Variants in MYO5B observed in about 807,000 individuals in gnomAD.
MYO5B encodes the protein unconventional myosin-Vb.
In MYO5B, 143 loss-of-function variants were observed where a neutral mutation model predicts 229.3. The ratio of observed to expected loss-of-function variants is 0.62; its 90% confidence interval spans 0.54 to 0.72. The LOEUF (loss-of-function observed/expected upper bound fraction) is 0.72, where lower values mean the gene tolerates loss of function less well. Among genes scored for constraint, MYO5B ranks in the 30% least tolerant of loss-of-function variants. The probability of loss-of-function intolerance (pLI) is 0.00; values close to 1 mark genes in which losing one functional copy is unlikely to be tolerated. For missense variants in MYO5B, 2,321 were observed against 2,331.0 expected (o/e 1.00, Z 0.09); for synonymous variants, 918 against 885.2 (o/e 1.04, Z -0.66).
At chr18:50,000,543 A>C (rs1417775563) in intron 5 of MYO5B, among the ~76,000 whole-genome samples, 2 of 152,220 alleles carry the variant, frequency 1.3e-5, no homozygotes, top group Non-Finnish European at 2.9e-5. Context: ...TTTCATACAG[A>C]AAAGGGGGAA....
At chr18:49,924,478 T>C (rs1488855804) in intron 17 of MYO5B, among the ~76,000 whole-genome samples, 2 of 152,152 alleles carry the variant, frequency 1.3e-5, no homozygotes, top group African/African-American at 2.4e-5. Flanking sequence ...GACTCCAAAG[T>C]CCAAGAATTC....
At position 50,110,016 on chromosome 18, in the gene MYO5B, C is replaced by CCT. The variant is rs199758867; in HGVS notation, c.28-54640_28-54639dup. Among the ~76,000 whole-genome samples the CCT allele has an allele frequency of 2.5e-3, 378 of 152,192 alleles. 6 individuals are homozygous for CCT. Among genetic ancestry groups the CCT allele is most frequent in the Admixed American group, 0.02 (310 of 15,294 alleles). ...TCACCTCTCTAACCTCATATCCTAC[C>CCT]CTCTCTCCCCACTCCCTTCACTCAG... On this transcript the variant is annotated intron_variant, in intron 1 of 39. Transcript: ENST00000285039.
At chr18:50,102,712 C>G (rs1304375425) in intron 1 of MYO5B, among the ~76,000 whole-genome samples, 2 of 150,446 alleles carry the variant, frequency 1.3e-5, no homozygotes, top group African/African-American at 5.0e-5. Context: ...TGCAGAATCT[C>G]TAACCTCAGA....
chr18:50,016,843 C>T (rs2026221050), intron 4 of MYO5B, among the ~76,000 whole-genome samples: 1 of 151,880 alleles, frequency 6.6e-6, no homozygotes, highest in Admixed American at 6.6e-5. Context: ...ACCCCCGACC[C>T]CCAGCTTGTG....
intron 14 of MYO5B, among the ~76,000 whole-genome samples, chr18:49,945,519 G>C (rs1449876977): frequency 6.6e-6 from 1 of 151,710 alleles, no homozygotes; most frequent in African/African-American, 2.4e-5. Flanking sequence ...GCTCTCTCCT[G>C]GATCACTACA....
intron 1 of MYO5B, among the ~76,000 whole-genome samples, chr18:50,141,973 T>C (rs138041663): frequency 1.7e-3 from 256 of 152,352 alleles, no homozygotes; most frequent in South Asian, 4.6e-3. Context: ...AAAATGGGGA[T>C]AGTTTCTCTC....
chr18:49,993,676 T>C (rs2144314771), intron 5 of MYO5B, among the ~76,000 whole-genome samples: 1 of 152,210 alleles, frequency 6.6e-6, no homozygotes, highest in East Asian at 1.9e-4. Context: ...CCTATTTCTA[T>C]CCTACTGCCA....
intron 2 of MYO5B, among the ~76,000 whole-genome samples, chr18:50,046,052 A>T (rs1245394528): frequency 6.6e-6 from 1 of 152,234 alleles, no homozygotes. Flanking sequence ...GAAGAGGAGA[A>T]AGAATTGGCT....
intron 21 of MYO5B, among the ~76,000 whole-genome samples, chr18:49,900,029 A>C (rs190030279): frequency 1.3e-5 from 2 of 152,278 alleles, no homozygotes; most frequent in East Asian, 3.9e-4. Flanking sequence ...AGTTAACTTT[A>C]GAAATCAGCA....
rs1598854889 is a variant in MYO5B at position 49,882,679 on chromosome 18, G to C, written c.3046-2224C>G. Among the ~76,000 whole-genome samples the C allele has an allele frequency of 2.1e-5, 3 of 144,632 alleles. No homozygotes were observed. The South Asian group carries it at 6.8e-4, about 33-fold the overall frequency. The allele number at this position is 144,632 out of a possible 152,430, so 94.9% of individuals were successfully genotyped here. ...CCACTTCACAGAGTTTCTCATCATT[G>C]AATGAGATGACGCATGTGAAGTACC... On this transcript the variant is annotated intron_variant, in intron 22 of 39. Coordinates refer to ENST00000285039, the MANE Select transcript of MYO5B (RefSeq NM_001080467.3).
chr18:49,981,890 AT>A (rs938257196), intron 8 of MYO5B, among the ~76,000 whole-genome samples: 1 of 152,224 alleles, frequency 6.6e-6, no homozygotes, highest in African/African-American at 2.4e-5. Flanking sequence ...AGAGGCTGGT[AT>A]TCAGGACAAG....
intron 27 of MYO5B, among the ~76,000 whole-genome samples, chr18:49,864,619 C>T (rs1474767743): frequency 1.3e-5 from 2 of 152,228 alleles, no homozygotes; most frequent in East Asian, 3.8e-4. Context: ...CGGCAGTCTC[C>T]AAAGTGATTC....
chr18:49,963,839 C>T (rs1033070304), intron 10 of MYO5B, among the ~76,000 whole-genome samples: 8 of 152,132 alleles, frequency 5.3e-5, no homozygotes, highest in South Asian at 4.1e-4. Flanking sequence ...AGATCAGGGC[C>T]GTGGTCTAGA....
At chr18:49,999,173 A>G (rs1227791265) in intron 5 of MYO5B, among the ~76,000 whole-genome samples, 1 of 152,108 alleles carries the variant, frequency 6.6e-6, no homozygotes, top group African/African-American at 2.4e-5. Context: ...CAGAATAACT[A>G]CTCTATTTCT....
At chr18:50,117,136 G>A (rs1359558820) in intron 1 of MYO5B, among the ~76,000 whole-genome samples, 1 of 151,882 alleles carries the variant, frequency 6.6e-6, no homozygotes, top group Admixed American at 6.6e-5. Context: ...GTCAAGATAC[G>A]ATTATGTTCT....
At chr18:50,038,099 G>A (rs1202913636) in intron 3 of MYO5B, among the ~76,000 whole-genome samples, 1 of 152,202 alleles carries the variant, frequency 6.6e-6, no homozygotes, top group South Asian at 2.1e-4. Context: ...GATGATGTGA[G>A]GCAGGTTGAT....
intron 16 of MYO5B, among the ~76,000 whole-genome samples, chr18:49,935,378 G>C (rs1016235176): frequency 6.6e-6 from 1 of 152,214 alleles, no homozygotes; most frequent in African/African-American, 2.4e-5. Context: ...ACTGGATAAG[G>C]CAGATGACAG....
Position 49,877,765 on chromosome 18 carries a change from C to T in MYO5B, c.3394G>A (p.Glu1132Lys). Residue 1132 changes from glutamate to lysine, a missense_variant and splice_region_variant, in exon 25 of 40, where the codon GAG becomes AAG. Physicochemically the swap from Glu to Lys is moderately conservative, Grantham distance 56. This residue lies in a region of MYO5B where 2,113 missense variants were observed against 2,044.7 expected (regional missense o/e 1.03). Transcript: ENST00000285039. ...GDTEDALQQV[E>K]EIGLEKAAMD... is the part of the protein sequence containing the mutation. Reference sequence around the variant, plus strand: ...ACCCAAGAGCCTGCATCACTCACCTCCACCTGCTGGAGGGCATCCTCAGTG... The same window carrying T: ...ACCCAAGAGCCTGCATCACTCACCTTCACCTGCTGGAGGGCATCCTCAGTG... 1 of 1,614,060 alleles carries T rather than the reference C, an allele frequency of 6.2e-7. No homozygotes were observed. The highest frequency in any genetic ancestry group is 8.5e-7 in the Non-Finnish European group (1 of 1,179,926).
At chr18:49,983,961 G>A (rs1403287822) in intron 8 of MYO5B, among the ~76,000 whole-genome samples, 4 of 152,206 alleles carry the variant, frequency 2.6e-5, no homozygotes, top group African/African-American at 4.8e-5. Context: ...GAAGCCAAAT[G>A]TTCTCTTTCA....
Sources: gnomAD v4.1 joint callset for allele counts (sites outside exome capture counted in the v4.1 genomes callset) on GRCh38, gnomAD v4.1.1 for gene constraint, gnomAD v4.1.1 regional missense constraint, MANE v1.5 for transcripts, NCBI Gene and HGNC (gene_info 2026-07-23, HGNC 2026-07-21) for gene names.